Variants in SKIC2 observed in about 807,000 individuals in gnomAD.
SKIC2 encodes SKI2 subunit of superkiller complex.
chr6:31,964,373 G>A, the SKIC2 span: 5 of 1,568,954 alleles, frequency 3.2e-6, no homozygotes, highest in Non-Finnish European at 4.4e-6. The surrounding 1 kb of genome is among the most constrained non-coding windows in gnomAD (Gnocchi z 5.0). Context: ...GGACTCCTCA[G>A]GGTGCTTGTT....
chr6:31,965,428 G>A, the SKIC2 span, among the ~76,000 whole-genome samples: 2 of 152,062 alleles, frequency 1.3e-5, no homozygotes. This position sits in a 1 kb window ranked among gnomAD's most constrained non-coding sequence, Gnocchi z 5.6. Context: ...AAAAAAATCA[G>A]ATATATAACC....
At chr6:31,960,018 T>C in the SKIC2 span, 1 of 1,612,658 alleles carries the variant, frequency 6.2e-7, no homozygotes, top group African/African-American at 1.3e-5. Context: ...AGCTTCCCCA[T>C]GGCCTCCCTC....
At chr6:31,964,144 G>C in the SKIC2 span, 2 of 1,609,968 alleles carry the variant, frequency 1.2e-6, no homozygotes, top group Non-Finnish European at 1.7e-6. This position sits in a 1 kb window ranked among gnomAD's most constrained non-coding sequence, Gnocchi z 5.0. Context: ...GTGTGCGTCT[G>C]TGTGCGTGCA....
the SKIC2 span, chr6:31,966,648 G>C: frequency 6.3e-7 from 1 of 1,588,076 alleles, no homozygotes. This position sits in a 1 kb window ranked among gnomAD's most constrained non-coding sequence, Gnocchi z 5.9. Context: ...CAGTCCAGAA[G>C]ACTGGCTGGG....
chr6:31,968,995 C>G, the SKIC2 span: 1 of 1,612,898 alleles, frequency 6.2e-7, no homozygotes, highest in Non-Finnish European at 8.5e-7. The surrounding 1 kb of genome is among the most constrained non-coding windows in gnomAD (Gnocchi z 6.1). Context: ...GCACTGAGCA[C>G]CCTGCGGCCT....
At chr6:31,962,654 G>A in the SKIC2 span, 3 of 1,606,756 alleles carry the variant, frequency 1.9e-6, no homozygotes, top group Middle Eastern at 3.3e-4. This position sits in a 1 kb window ranked among gnomAD's most constrained non-coding sequence, Gnocchi z 5.0. Context: ...AGAGTGTGCT[G>A]TCTGAGGAGG....
chr6:31,966,480 A>G, the SKIC2 span, among the ~76,000 whole-genome samples: 10 of 152,264 alleles, frequency 6.6e-5, no homozygotes, highest in East Asian at 1.9e-3. This position sits in a 1 kb window ranked among gnomAD's most constrained non-coding sequence, Gnocchi z 5.9. Flanking sequence ...ATTGGAGCCC[A>G]TCTCTTCCAG....
the SKIC2 span, chr6:31,969,350 C>T: frequency 2.1e-4 from 341 of 1,614,100 alleles, no homozygotes; most frequent in African/African-American, 2.7e-3. The surrounding 1 kb of genome is among the most constrained non-coding windows in gnomAD (Gnocchi z 6.1). Flanking sequence ...CTGAACCAGA[C>T]GGTGGAGGAA....
the SKIC2 span, chr6:31,966,710 G>A: frequency 1.2e-6 from 2 of 1,614,078 alleles, no homozygotes; most frequent in African/African-American, 1.3e-5. The surrounding 1 kb of genome is among the most constrained non-coding windows in gnomAD (Gnocchi z 5.9). Context: ...TGACTCCAGG[G>A]GAAGCCGTCC....
chr6:31,966,755 T>C, the SKIC2 span: 1 of 1,614,168 alleles, frequency 6.2e-7, no homozygotes, highest in South Asian at 1.1e-5. This position sits in a 1 kb window ranked among gnomAD's most constrained non-coding sequence, Gnocchi z 5.9. Context: ...ACGTACACTA[T>C]GATCCTCAAC....
At chr6:31,964,698 A>G in the SKIC2 span, among the ~76,000 whole-genome samples, 1 of 152,240 alleles carries the variant, frequency 6.6e-6, no homozygotes, top group East Asian at 1.9e-4. This position sits in a 1 kb window ranked among gnomAD's most constrained non-coding sequence, Gnocchi z 5.0. Context: ...TACAGCTATT[A>G]GACTGGTAAA....
the SKIC2 span, chr6:31,963,667 G>A: frequency 6.4e-7 from 1 of 1,556,184 alleles, no homozygotes; most frequent in African/African-American, 1.4e-5. The surrounding 1 kb of genome is among the most constrained non-coding windows in gnomAD (Gnocchi z 5.3). Context: ...CCAAGAAGGA[G>A]AGAATGAGCA....
chr6:31,969,013 T>G, the SKIC2 span: 1 of 1,612,732 alleles, frequency 6.2e-7, no homozygotes, highest in East Asian at 2.2e-5. This position sits in a 1 kb window ranked among gnomAD's most constrained non-coding sequence, Gnocchi z 6.1. Flanking sequence ...CCTGAGGAGA[T>G]TGCTGCCTTG....
At chr6:31,968,099 A>G in the SKIC2 span, 5 of 1,612,288 alleles carry the variant, frequency 3.1e-6, no homozygotes, top group African/African-American at 6.7e-5. The surrounding 1 kb of genome is among the most constrained non-coding windows in gnomAD (Gnocchi z 6.1). Context: ...GATGCTAGGG[A>G]GGCCCTTCTC....
chr6:31,963,163 T>C, the SKIC2 span: 1 of 1,115,936 alleles, frequency 9.0e-7, no homozygotes, highest in Non-Finnish European at 1.3e-6. This position sits in a 1 kb window ranked among gnomAD's most constrained non-coding sequence, Gnocchi z 5.3. Flanking sequence ...GGGGACTAAG[T>C]CTACCACAGC....
the SKIC2 span, chr6:31,967,646 G>A: frequency 1.9e-6 from 3 of 1,551,458 alleles, no homozygotes; most frequent in Non-Finnish European, 2.6e-6. The surrounding 1 kb of genome is among the most constrained non-coding windows in gnomAD (Gnocchi z 4.9). Flanking sequence ...CCAAGGGTGG[G>A]TATCTGGTCT....
chr6:31,964,221 T>C, the SKIC2 span: 1 of 1,612,460 alleles, frequency 6.2e-7, no homozygotes, highest in African/African-American at 1.3e-5. The surrounding 1 kb of genome is among the most constrained non-coding windows in gnomAD (Gnocchi z 5.0). Context: ...ATGGGCCTCC[T>C]CCCACCAAAG....
chr6:31,961,968 C>T, the SKIC2 span: 10 of 1,612,876 alleles, frequency 6.2e-6, no homozygotes, highest in East Asian at 2.0e-4. Context: ...AACGGCATGA[C>T]TCTGTCTTTG....
the SKIC2 span, chr6:31,968,530 C>T: frequency 1.2e-6 from 2 of 1,612,418 alleles, no homozygotes; most frequent in Non-Finnish European, 1.7e-6. This position sits in a 1 kb window ranked among gnomAD's most constrained non-coding sequence, Gnocchi z 6.1. Flanking sequence ...CCCCCGTTTT[C>T]CTGCCCAGGT....
Sources: allele counts gnomAD v4.1 joint callset (sites outside exome capture counted in the v4.1 genomes callset), GRCh38; gene constraint gnomAD v4.1.1; non-coding constraint Gnocchi (gnomAD v3.1); transcripts MANE v1.5; gene names NCBI Gene and HGNC (gene_info 2026-07-23, HGNC 2026-07-21).